FGD1: variants seen among roughly 807,000 people sequenced by gnomAD.
FGD1 encodes the protein FYVE, RhoGEF and PH domain containing 1, also known as FYVE, RhoGEF and PH domain-containing protein 1.
Under a neutral mutation model 65.0 loss-of-function variants are expected in FGD1, and 12 were observed. The observed-to-expected ratio is 0.18, with a 90% confidence interval of 0.12 to 0.30. The LOEUF (loss-of-function observed/expected upper bound fraction) is 0.30, where lower values mean the gene tolerates loss of function less well. FGD1 is among the 10% of genes least tolerant of loss of function. The pLI is 1.00. For missense variants in FGD1, 542 were observed against 837.6 expected (o/e 0.65, Z 4.36); for synonymous variants, 333 against 343.9 (o/e 0.97, Z 0.35).
intron 8 of FGD1, among the ~76,000 whole-genome samples, chrX:54,464,047 T>G (rs1358971218): frequency 9.2e-6 from 1 of 109,276 alleles, no homozygotes; most frequent in East Asian, 2.9e-4. Flanking sequence ...ATGCAACCTC[T>G]GCCTCCCGAG....
chrX:54,471,195 T>C (rs1922885139), intron 2 of FGD1, 119 bp downstream of exon 2: 1 of 801,306 alleles, frequency 1.2e-6, no homozygotes, highest in Admixed American at 2.4e-5. Flanking sequence ...AGCACTGCCC[T>C]GGGAGCATGG....
chrX:54,446,335 C>T lies in FGD1; in HGVS notation c.2660G>A (p.Arg887Lys), dbSNP rs749295189. Reference protein sequence around the residue: ...PPEAGERPDRRHVFKITQSHL... With the variant: ...PPEAGERPDRKHVFKITQSHL... ...GCTCTGGGTGATCTTGAAGACATGC[C>T]TTCTGTCAGGCCGCTCCCCTGCCTC... The change falls in exon 18 of 18, where the codon AGG becomes AAG. Residue 887 changes from arginine to lysine, a missense_variant. Around this residue, in one of 6 missense-constraint regions of FGD1, gnomAD observed 182 missense variants for 311.4 expected, o/e 0.58. Coordinates refer to ENST00000375135, the MANE Select transcript of FGD1 (RefSeq NM_004463.3). The T allele has an allele frequency of 4.1e-6, 5 of 1,211,307 alleles. No homozygotes were observed. Among genetic ancestry groups the T allele is most frequent in the Non-Finnish European group, 5.6e-6 (5 of 895,197 alleles).
At chrX:54,449,550 C>T in intron 14 of FGD1, 109 bp downstream of exon 14, 1 of 585,036 alleles carries the variant, frequency 1.7e-6, no homozygotes, top group Non-Finnish European at 2.9e-6. Context: ...TGCATTGCCT[C>T]TCTGGTCATT....
chrX:54,468,080 T>A (rs1300573738), intron 5 of FGD1, 148 bp from the exon 6 acceptor site: 1 of 515,329 alleles, frequency 1.9e-6, no homozygotes, highest in Middle Eastern at 5.5e-4. Flanking sequence ...GTTAGGGTTA[T>A]ATATTGGGGA....
intron 8 of FGD1, among the ~76,000 whole-genome samples, chrX:54,465,150 G>A (rs1255636212): frequency 9.4e-6 from 1 of 106,849 alleles, no homozygotes; most frequent in African/African-American, 3.4e-5. Flanking sequence ...GGTTCCAGTT[G>A]GGAAGTTCAG....
At chrX:54,467,463 T>C (rs1460970549) in intron 6 of FGD1, among the ~76,000 whole-genome samples, 3 of 109,772 alleles carry the variant, frequency 2.7e-5, no homozygotes, top group Non-Finnish European at 3.8e-5. Context: ...CAAGCGATTC[T>C]TGTGCCTCAG....
intron 1 of FGD1, among the ~76,000 whole-genome samples, chrX:54,480,904 G>A (rs1207171826): frequency 9.0e-6 from 1 of 111,388 alleles, no homozygotes; most frequent in Non-Finnish European, 1.9e-5. Flanking sequence ...CACCCGCCTC[G>A]GCCTCCCAAA....
Position 54,470,118 on chromosome X carries a change from T to C in FGD1, c.999A>G (p.Gln333=), listed in dbSNP as rs1922848037. The C allele has an allele frequency of 2.5e-6, 3 of 1,210,356 alleles. No individual in the cohort carries two copies. The highest frequency in any genetic ancestry group is 2.3e-4 in the Middle Eastern group (1 of 4,350). ...CCTCCTCCAGGTCACTGTCAACCTCTTGGGAGCCAGGCCGGTGGGGGTCGG... is the reference window on the plus strand; with the variant it reads ...CCTCCTCCAGGTCACTGTCAACCTCCTGGGAGCCAGGCCGGTGGGGGTCGG... The part of the protein sequence containing the change: ...ALADPHRPGS[Q]EVDSDLEEED... The change falls in exon 4 of 18, where the codon CAA becomes CAG. Residue 333 remains glutamine (Q), a synonymous_variant. Coordinates refer to ENST00000375135, the MANE Select transcript of FGD1 (RefSeq NM_004463.3).
At chrX:54,465,393 T>A (rs1455661367) in intron 8 of FGD1, 58 bp downstream of exon 8, 1 of 1,143,778 alleles carries the variant, frequency 8.7e-7, no homozygotes. Context: ...GCCTCAGAGG[T>A]CTGGCCTAGA....
chrX:54,486,254 T>C (rs751176750), intron 1 of FGD1, among the ~76,000 whole-genome samples: 82 of 92,616 alleles, frequency 8.9e-4, no homozygotes, highest in African/African-American at 4.6e-3. Context: ...ACCTGGATGA[T>C]TTTTTTTTTC....
At chrX:54,494,735 G>C (rs1397097215) in intron 1 of FGD1, among the ~76,000 whole-genome samples, 2 of 111,388 alleles carry the variant, frequency 1.8e-5, no homozygotes, top group African/African-American at 6.5e-5. Flanking sequence ...GTACAATGTA[G>C]GCGCTTGGCA....
chrX:54,471,321 C>T lies in FGD1; in HGVS notation c.474G>A (p.Lys158=). ...PSPLKRAPGP[K]PQVPPKPSYL... ...TTTTCCAGGACCACTTACCCTGTGG[C>T]TTCGGGCCCGGTGCCCGCTTCAGTG... The change falls in exon 2 of 18, where the codon AAG becomes AAA. Residue 158 remains lysine (K), a synonymous_variant. Transcript: ENST00000375135. The T allele has an allele frequency of 8.3e-7, 1 of 1,210,731 alleles. No individual in the cohort carries two copies. The highest frequency in any genetic ancestry group is 1.8e-5 in the South Asian group (1 of 56,974).
chrX:54,452,872 G>A lies in FGD1; in HGVS notation c.2016-2571C>T, dbSNP rs138147538. Among the ~76,000 whole-genome samples the A allele has an allele frequency of 8.3e-4, 93 of 111,876 alleles. 1 individual carries two copies. Among genetic ancestry groups the A allele is most frequent in the Non-Finnish European group, 1.4e-3 (77 of 53,140 alleles). ...CTCTGCAGGTGGGTCCCAGGCATCCGTATTTTTTAAAAGCTCCCCAGCTGA... is the reference window on the plus strand; with the variant it reads ...CTCTGCAGGTGGGTCCCAGGCATCCATATTTTTTAAAAGCTCCCCAGCTGA... On this transcript the variant is annotated intron_variant, in intron 12 of 17. Coordinates refer to ENST00000375135, the MANE Select transcript of FGD1 (RefSeq NM_004463.3).
intron 1 of FGD1, among the ~76,000 whole-genome samples, chrX:54,472,670 G>A (rs977360917): frequency 3.6e-5 from 4 of 111,377 alleles, no homozygotes; most frequent in Non-Finnish European, 7.5e-5. Flanking sequence ...AGGGGGCTGT[G>A]GGAGTGCCTC....
Position 54,446,239 on chromosome X carries a change from G to A in FGD1, c.2756C>T (p.Ala919Val). 1 of 1,211,613 alleles carries A rather than the reference G, an allele frequency of 8.3e-7. No individual in the cohort carries two copies. Among genetic ancestry groups the A allele is most frequent in the Non-Finnish European group, 1.1e-6 (1 of 895,363 alleles). ...QRRWMAVLGR[A>V]GRGDTFCPGP... ...CGGGCAGAACGTGTCCCCTCGGCCCGCCCGGCCAAGCACAGCCATCCAGCG... is the reference window on the plus strand; with the variant it reads ...CGGGCAGAACGTGTCCCCTCGGCCCACCCGGCCAAGCACAGCCATCCAGCG... Residue 919 changes from alanine (A) to valine (V), a missense_variant, in exon 18 of 18, where the codon GCG (alanine) becomes GTG (valine). By Grantham distance (64) the Ala-to-Val change is moderately conservative. Transcript: ENST00000375135.
intron 17 of FGD1, 96 bp from the exon 18 acceptor site, chrX:54,446,510 C>T (rs1484027550): frequency 1.2e-6 from 1 of 846,152 alleles, no homozygotes. Context: ...TGTCTTCAGT[C>T]CCCTACTCAG....
intron 8 of FGD1, among the ~76,000 whole-genome samples, chrX:54,461,600 C>CAAAA (rs1165040158): frequency 5.5e-5 from 1 of 18,051 alleles, no homozygotes; most frequent in Non-Finnish European, 1.4e-4. Flanking sequence ...GACTCTGTCT[C>CAAAA]AAAAAAAAAA....
At chrX:54,450,160 A>G (rs1922344728) in intron 13 of FGD1, 111 bp downstream of exon 13, 2 of 780,853 alleles carry the variant, frequency 2.6e-6, no homozygotes, top group Non-Finnish European at 4.0e-6. Context: ...GCTGAAAGAC[A>G]GTTGTCCAGG....
intron 12 of FGD1, among the ~76,000 whole-genome samples, chrX:54,451,573 C>A (rs1922378019): frequency 9.3e-6 from 1 of 107,534 alleles, no homozygotes; most frequent in Non-Finnish European, 1.9e-5. Flanking sequence ...GCGTGAGCTA[C>A]CGTGCCTGGC....
Sources: allele counts gnomAD v4.1 joint callset (sites outside exome capture counted in the v4.1 genomes callset), GRCh38; gene constraint gnomAD v4.1.1; regional missense constraint gnomAD v4.1.1; transcripts MANE v1.5; gene names NCBI Gene and HGNC (gene_info 2026-07-23, HGNC 2026-07-21).